Variants in PDCD11 observed in about 807,000 individuals in gnomAD.
PDCD11 encodes programmed cell death 11, also known as protein RRP5 homolog.
In PDCD11, 97 loss-of-function variants were observed where a neutral mutation model predicts 198.9. The observed-to-expected ratio is 0.49, with a 90% CI of 0.41 to 0.58. The LOEUF is 0.58. Among genes scored for constraint, PDCD11 ranks in the 20% least tolerant of loss-of-function variants. The pLI, the probability that PDCD11 is intolerant of heterozygous loss-of-function variation, is 0.00. For synonymous variants in PDCD11, 893 were observed against 918.0 expected (o/e 0.97, Z 0.49); for missense variants, 2,102 against 2,312.7 (o/e 0.91, Z 1.87).
chr10:103,446,176 C>G lies in PDCD11; in HGVS notation c.*627C>G, dbSNP rs192478918. On this transcript the variant is annotated 3_prime_UTR_variant, in exon 36 of 36. Coordinates refer to ENST00000369797, the MANE Select transcript of PDCD11 (RefSeq NM_014976.2). ...CCCACGCCCACTATGGCCACATTAC[C>G]TAACCTCTCCATATCTGGGCTATTC... is the stretch of plus-strand genomic sequence containing the variant. 6.5e-6 allele frequency: 1 copy of G among 152,804 alleles called. No homozygotes were observed. Among genetic ancestry groups the G allele is most frequent in the Non-Finnish European group, 1.5e-5 (1 of 68,414 alleles). 9.5% of individuals were successfully genotyped at this position (152,804 alleles called of 1,614,324 possible).
intron 1 of PDCD11, among the ~76,000 whole-genome samples, chr10:103,397,608 G>A (rs1477279383): frequency 4.6e-5 from 7 of 152,176 alleles, no homozygotes; most frequent in African/African-American, 1.7e-4. Flanking sequence ...TAATTTTTGC[G>A]TTTTTGGTAG....
rs2032590339 is a variant in PDCD11 at position 103,445,937 on chromosome 10, AGGG to A, written c.*391_*393del. 5.3e-6 allele frequency: 1 copy of A among 189,880 alleles called. No individual in the cohort carries two copies. Among genetic ancestry groups the A allele is most frequent in the African/African-American group, 2.3e-5 (1 of 43,152 alleles). The allele number at this position is 189,880 out of a possible 1,614,324, so 11.8% of individuals were successfully genotyped here. A position where few individuals can be genotyped will look rare whatever the true frequency, so the allele number is the denominator to read the frequency against. On this transcript the variant is annotated 3_prime_UTR_variant, in exon 36 of 36. Coordinates refer to ENST00000369797, the MANE Select transcript of PDCD11 (RefSeq NM_014976.2). Reference sequence around the variant, plus strand: ...CCTGGCAGGCTGTCAGTCCAGCTGGAGGGGGTCAGTAGGCTCCAGGGAGTGGGC... The same window carrying A: ...CCTGGCAGGCTGTCAGTCCAGCTGGAGGTCAGTAGGCTCCAGGGAGTGGGC...
intron 15 of PDCD11, among the ~76,000 whole-genome samples, chr10:103,418,928 C>G (rs2031270524): frequency 6.6e-6 from 1 of 151,166 alleles, no homozygotes; most frequent in African/African-American, 2.4e-5. Flanking sequence ...TTGGGGCTTT[C>G]AGTGCCTGCC....
At chr10:103,437,918 C>G in intron 25 of PDCD11, 97 bp from the exon 26 acceptor site, 2 of 932,826 alleles carry the variant, frequency 2.1e-6, no homozygotes, top group Non-Finnish European at 3.5e-6. Context: ...CTCCTCACTC[C>G]TGCCTATTCG....
At position 103,442,355 on chromosome 10, in the gene PDCD11, A is replaced by G. The variant is rs770691303; in HGVS notation, c.4850A>G (p.Asn1617Ser). Residue 1617 changes from asparagine to serine, a missense_variant, in exon 32 of 36, where the codon AAC becomes AGC. By Grantham distance (46) the Asn-to-Ser change is conservative (BLOSUM62 1). Coordinates refer to ENST00000369797, the MANE Select transcript of PDCD11 (RefSeq NM_014976.2). ...DFDRLVLSSP[N>S]SSILWLQYMA... ...GACCGACTGGTGCTGAGCTCCCCCA[A>G]CAGCTCCATTCTGTGGCTGCAGTAC... The G allele has an allele frequency of 1.9e-6, 3 of 1,614,072 alleles. No individual in the cohort carries two copies. The Admixed American group carries it at 5.0e-5, about 27-fold the overall frequency.
rs2031258876 is a variant in PDCD11, at chr10:103,418,726, C to T, written c.2106+92C>T. On this transcript the variant is annotated intron_variant, in intron 15 of 35. Transcript: ENST00000369797. ...CTGGGGAAATTAGACAGCTATTTGA[C>T]CTCAGAAATATCTCCACAAAACCAA... 3.8e-6 allele frequency: 4 copies of T among 1,066,022 alleles called. No homozygotes were observed. The East Asian group carries it at 9.9e-5, about 26-fold the overall frequency. 66.0% of individuals were successfully genotyped at this position (1,066,022 alleles called of 1,614,324 possible).
intron 4 of PDCD11, 145 bp from the exon 5 acceptor site, chr10:103,404,877 C>T: frequency 4.6e-6 from 3 of 648,464 alleles, no homozygotes; most frequent in Admixed American, 3.0e-5. Flanking sequence ...GACCCAACTT[C>T]CTTTGTGGAT....
intron 3 of PDCD11, 38 bp downstream of exon 3, chr10:103,400,566 T>G: frequency 6.3e-7 from 1 of 1,589,530 alleles, no homozygotes; most frequent in Non-Finnish European, 8.6e-7. Flanking sequence ...CAATCGACCT[T>G]GGTTGCTTAA....
chr10:103,416,620 A>G lies in PDCD11; in HGVS notation c.1648A>G (p.Ile550Val). The G allele has an allele frequency of 1.9e-6, 3 of 1,614,244 alleles. No homozygotes were observed. Among genetic ancestry groups the G allele is most frequent in the Non-Finnish European group, 1.7e-6 (2 of 1,180,046 alleles). ...TGGTCTGCAGACACATGGCTTCATC[A>G]TCAGGGTCAAGGACTATGGCTGCAT... is the stretch of plus-strand genomic sequence containing the variant. ...KPGLQTHGFI[I>V]RVKDYGCIVK... Residue 550 changes from isoleucine to valine, a missense_variant, in exon 13 of 36, where the codon ATC becomes GTC. By Grantham distance (29) the Ile-to-Val change is conservative (BLOSUM62 3). Coordinates refer to ENST00000369797, the MANE Select transcript of PDCD11 (RefSeq NM_014976.2).
At chr10:103,418,141 A>G (rs2031217231) in intron 14 of PDCD11, among the ~76,000 whole-genome samples, 1 of 152,196 alleles carries the variant, frequency 6.6e-6, no homozygotes, top group South Asian at 2.1e-4. Flanking sequence ...GAGGCTTTTC[A>G]GCAGTGGGCT....
intron 1 of PDCD11, 58 bp from the exon 2 acceptor site, chr10:103,398,358 C>T: frequency 9.3e-7 from 1 of 1,070,550 alleles, no homozygotes; most frequent in South Asian, 1.3e-5. Flanking sequence ...TTGATAACAC[C>T]TTTCTGAAAT....
chr10:103,444,352 A>G (rs2032511156), intron 34 of PDCD11, 165 bp from the exon 35 acceptor site: 1 of 678,196 alleles, frequency 1.5e-6, no homozygotes, highest in African/African-American at 1.8e-5. Context: ...CCATCTGTGT[A>G]TTTGGCCCCA....
rs144695386 is a variant in PDCD11 at position 103,416,532 on chromosome 10, C to T, written c.1560C>T (p.Thr520=). 1 of 1,614,124 alleles carries T rather than the reference C, an allele frequency of 6.2e-7. No individual in the cohort carries two copies. The highest frequency in any genetic ancestry group is 8.5e-7 in the Non-Finnish European group (1 of 1,180,018). ...CTGAAGCCAAGAAGCTGATGATGACCCTGAAAAAAACCCTGATTGAGTCCA... is the reference window on the plus strand; with the variant it reads ...CTGAAGCCAAGAAGCTGATGATGACTCTGAAAAAAACCCTGATTGAGTCCA... ...CDPEAKKLMM[T]LKKTLIESKL... Residue 520 remains threonine, a synonymous_variant, in exon 13 of 36, where the codon ACC becomes ACT. Coordinates refer to ENST00000369797, the MANE Select transcript of PDCD11 (RefSeq NM_014976.2).
chr10:103,400,953 C>CTA (rs984266292), intron 3 of PDCD11, among the ~76,000 whole-genome samples: 3 of 152,060 alleles, frequency 2.0e-5, no homozygotes, highest in African/African-American at 7.2e-5. Context: ...TTGGATCTTG[C>CTA]TATTTTGCCC....
intron 24 of PDCD11, 28 bp downstream of exon 24, chr10:103,434,378 G>A: frequency 1.4e-6 from 2 of 1,435,772 alleles, no homozygotes; most frequent in South Asian, 1.2e-5. Context: ...TGCCTGGTCG[G>A]GGAAGGGGAG....
At chr10:103,421,683 G>A (rs1219745811) in intron 17 of PDCD11, 116 bp downstream of exon 17, 4 of 800,254 alleles carry the variant, frequency 5.0e-6, no homozygotes, top group Non-Finnish European at 7.8e-6. Flanking sequence ...AAAAATTTGG[G>A]GCCGGGCGCG....
Position 103,432,177 on chromosome 10 carries a change from C to T in PDCD11, c.3417C>T (p.Pro1139=), listed in dbSNP as rs761396077. 12 of 1,614,076 alleles carry T rather than the reference C, an allele frequency of 7.4e-6. No homozygotes were observed. The highest frequency in any genetic ancestry group is 1.0e-5 in the Non-Finnish European group (12 of 1,179,938). Residue 1139 remains proline (P), a synonymous_variant, in exon 22 of 36, where the codon CCC becomes CCT. Coordinates refer to ENST00000369797, the MANE Select transcript of PDCD11 (RefSeq NM_014976.2). ...CTCTTAACACTCACTCTGTTAGCCC[C>T]ATGGAGAAGATTAAACAGTACCAGG... ...HTALNTHSVS[P]MEKIKQYQAG... is the part of the protein sequence containing the mutation.
At chr10:103,426,882 A>G (rs2031717876) in intron 20 of PDCD11, among the ~76,000 whole-genome samples, 1 of 151,772 alleles carries the variant, frequency 6.6e-6, no homozygotes, top group Admixed American at 6.6e-5. Context: ...ACCTGAGCCC[A>G]GGAGTTCAAG....
chr10:103,429,653 C>T (rs568327605), intron 21 of PDCD11, among the ~76,000 whole-genome samples: 3 of 152,144 alleles, frequency 2.0e-5, no homozygotes, highest in South Asian at 4.2e-4. Context: ...ATTACTATAA[C>T]ACATACATTT....
Sources: allele counts gnomAD v4.1 joint callset (sites outside exome capture counted in the v4.1 genomes callset), GRCh38; gene constraint gnomAD v4.1.1; transcripts MANE v1.5; gene names NCBI Gene and HGNC (gene_info 2026-07-23, HGNC 2026-07-21).